Variants in CR1 observed in about 807,000 individuals in gnomAD.
CR1 encodes the protein complement C3b/C4b receptor 1 (Knops blood group).
A neutral mutation model predicts 187.3 loss-of-function variants in CR1; 116 were observed. The ratio of observed to expected loss-of-function variants is 0.62; its 90% CI spans 0.53 to 0.72. The LOEUF (loss-of-function observed/expected upper bound fraction) is 0.72. Among genes scored for constraint, CR1 ranks in the 30% least tolerant of loss-of-function variants. CR1 has a pLI of 0.00. For missense variants in CR1, 1,731 were observed against 2,110.7 expected (o/e 0.82, Z 3.52); for synonymous variants, 576 against 747.1 (o/e 0.77, Z 3.73).
At chr1:207,575,340 C>T (rs776184869) in intron 27 of CR1, among the ~76,000 whole-genome samples, 5 of 152,072 alleles carry the variant, frequency 3.3e-5, no homozygotes, top group African/African-American at 9.7e-5. Context: ...GTTTTATTTT[C>T]GTGCCAGTTG....
intron 31 of CR1, 107 bp downstream of exon 31, chr1:207,580,720 G>A: frequency 5.9e-6 from 6 of 1,010,996 alleles, no homozygotes; most frequent in Admixed American, 2.2e-5. Flanking sequence ...AAGAATCCAG[G>A]GAGATTAACC....
rs185815556 is a variant in CR1, at chr1:207,596,114, G to T, written c.5810+7340G>T. On this transcript the variant is annotated intron_variant, in intron 35 of 46. Transcript: ENST00000367049. ...ATAATCAAATTTTAAAAGATAATCA[G>T]AAGGGCGAAACCACTTGGTCCATAA... is the stretch of plus-strand genomic sequence containing the variant. Among the ~76,000 whole-genome samples the T allele has an allele frequency of 5.1e-3, 760 of 149,708 alleles. 7 individuals are homozygous for T. Among genetic ancestry groups the T allele is most frequent in the African/African-American group, 0.017 (708 of 41,040 alleles).
intron 44 of CR1, among the ~76,000 whole-genome samples, chr1:207,622,790 C>T (rs1229633287): frequency 9.9e-5 from 15 of 152,162 alleles, no homozygotes; most frequent in South Asian, 2.1e-4. Context: ...CGTTACAAAA[C>T]GGCTCAGCTC....
chr1:207,595,957 T>C (rs933814450), intron 35 of CR1, among the ~76,000 whole-genome samples: 20 of 150,494 alleles, frequency 1.3e-4, no homozygotes, highest in Admixed American at 9.9e-4. Flanking sequence ...AGAAAAACCA[T>C]CATAAACTTA....
At chr1:207,618,298 T>G in intron 42 of CR1, 51 bp downstream of exon 42, 1 of 1,549,940 alleles carries the variant, frequency 6.5e-7, no homozygotes, top group Non-Finnish European at 8.8e-7. Context: ...ATGGAATGCA[T>G]GAGGCTTGTA....
At position 207,618,174 on chromosome 1, in the gene CR1, C is replaced by T; in HGVS notation, c.6993C>T (p.Tyr2331=). 1.9e-6 allele frequency: 3 copies of T among 1,613,768 alleles called. No homozygotes were observed. Among genetic ancestry groups the T allele is most frequent in the Middle Eastern group, 1.6e-4 (1 of 6,062 alleles). ...MTISYICDPG[Y]LLVGKGFIFC... ...TCAGCTACATTTGTGACCCCGGCTACCTGTTAGTGGGAAAGGGCTTCATTT... is the reference window on the plus strand; with the variant it reads ...TCAGCTACATTTGTGACCCCGGCTATCTGTTAGTGGGAAAGGGCTTCATTT... The change falls in exon 42 of 47, where the codon TAC becomes TAT. Residue 2331 remains tyrosine, a synonymous_variant. Coordinates refer to ENST00000367049, the MANE Select transcript of CR1 (RefSeq NM_000651.6).
At chr1:207,618,595 A>G (rs546807940) in intron 42 of CR1, among the ~76,000 whole-genome samples, 21 of 152,184 alleles carry the variant, frequency 1.4e-4, no homozygotes, top group Non-Finnish European at 3.1e-4. Flanking sequence ...ACCACACTTC[A>G]AGAAATACCA....
intron 36 of CR1, among the ~76,000 whole-genome samples, chr1:207,608,782 A>G (rs902085575): frequency 6.6e-6 from 1 of 152,176 alleles, no homozygotes; most frequent in Admixed American, 6.5e-5. Context: ...GTAGTCACTT[A>G]GCCAATATGT....
At chr1:207,602,133 C>T (rs1412082662) in intron 35 of CR1, among the ~76,000 whole-genome samples, 1 of 151,950 alleles carries the variant, frequency 6.6e-6, no homozygotes, top group Non-Finnish European at 1.5e-5. Context: ...CTTGAAGGGA[C>T]ATGTATAAAA....
intron 28 of CR1, among the ~76,000 whole-genome samples, chr1:207,576,257 T>C (rs867105580): frequency 1.3e-5 from 2 of 152,274 alleles, no homozygotes; most frequent in African/African-American, 2.4e-5. Flanking sequence ...TCAAACCCAG[T>C]TGGTGGCAGG....
chr1:207,504,914 T>A (rs1186328534), intron 1 of CR1, among the ~76,000 whole-genome samples: 1 of 152,138 alleles, frequency 6.6e-6, no homozygotes, highest in African/African-American at 2.4e-5. Flanking sequence ...GAGCTCCACC[T>A]CCTGTCAGAT....
chr1:207,606,028 A>G (rs969633469), intron 35 of CR1: 1 of 152,176 alleles, frequency 6.6e-6, no homozygotes, highest in Non-Finnish European at 1.5e-5. Flanking sequence ...TCAAACATAG[A>G]TAGTAGTTTA....
chr1:207,580,401 G>A lies in CR1; in HGVS notation c.5098G>A (p.Ala1700Thr), dbSNP rs1299375945. The A allele has an allele frequency of 3.1e-6, 5 of 1,613,724 alleles. No homozygotes were observed. The highest frequency in any genetic ancestry group is 3.4e-6 in the Non-Finnish European group (4 of 1,179,810). ...ACCCCAGGGAGACTGGAGCCCTGAAGCCCCGAGATGTGCAGGTGCCTCAAC... is the reference window on the plus strand; with the variant it reads ...ACCCCAGGGAGACTGGAGCCCTGAAACCCCGAGATGTGCAGGTGCCTCAAC... ...CTPQGDWSPE[A>T]PRCAVKSCDD... Residue 1700 changes from alanine (A) to threonine (T), a missense_variant, in exon 30 of 47, where the codon GCC (alanine) becomes ACC (threonine). Physicochemically the swap from Ala to Thr is moderately conservative, Grantham distance 58. Coordinates refer to ENST00000367049, the MANE Select transcript of CR1 (RefSeq NM_000651.6).
chr1:207,620,067 T>TAAGTGC lies in CR1; in HGVS notation c.7252+12_7252+17dup. The TAAGTGC allele has an allele frequency of 6.2e-7, 1 of 1,607,122 alleles. No individual in the cohort carries two copies. The highest frequency in any genetic ancestry group is 1.3e-5 in the African/African-American group (1 of 74,660). On this transcript the variant is annotated splice_region_variant and intron_variant, in intron 43 of 46. Transcript: ENST00000367049. ...CTCCTCTGGCCAAATGTACCTCTCGTAAGTGCAAGTGCAAGGAATGTGGGA... is the reference window on the plus strand; with the variant it reads ...CTCCTCTGGCCAAATGTACCTCTCGTAAGTGCAAGTGCAAGTGCAAGGAATGTGGGA...
chr1:207,630,111 C>T (rs1222763677), intron 45 of CR1, among the ~76,000 whole-genome samples: 1 of 152,196 alleles, frequency 6.6e-6, no homozygotes, highest in African/African-American at 2.4e-5. Flanking sequence ...AAACAGAACA[C>T]ATATCTTCAC....
At chr1:207,617,507 ATGTGTGTGTG>A (rs1167357538) in intron 41 of CR1, among the ~76,000 whole-genome samples, 12 of 47,030 alleles carry the variant, frequency 2.6e-4, no homozygotes, top group East Asian at 9.2e-4. Context: ...ATATATATAT[ATGTGTGTGTG>A]TGTGTGTGTG....
At chr1:207,599,568 C>A (rs1007935428) in intron 35 of CR1, among the ~76,000 whole-genome samples, 8 of 152,122 alleles carry the variant, frequency 5.3e-5, no homozygotes, top group African/African-American at 1.9e-4. Flanking sequence ...AGCAAACAAC[C>A]TTGACATCCT....
intron 45 of CR1, among the ~76,000 whole-genome samples, chr1:207,625,929 A>C (rs1662467697): frequency 6.6e-6 from 1 of 152,212 alleles, no homozygotes; most frequent in Admixed American, 6.5e-5. Context: ...GCAGTAATGG[A>C]TTATAAAACC....
At chr1:207,524,300 T>C (rs1399423710) in intron 5 of CR1, among the ~76,000 whole-genome samples, 1 of 152,098 alleles carries the variant, frequency 6.6e-6, no homozygotes, top group Non-Finnish European at 1.5e-5. Flanking sequence ...GTGATTCCTC[T>C]GGCCGGGCAC....
Sources: gnomAD v4.1 joint callset for allele counts (sites outside exome capture counted in the v4.1 genomes callset) on GRCh38, gnomAD v4.1.1 for gene constraint, MANE v1.5 for transcripts, NCBI Gene and HGNC (gene_info 2026-07-23, HGNC 2026-07-21) for gene names.